Variants in DCAF7 observed in about 807,000 individuals in gnomAD.
The protein encoded by DCAF7 is DDB1 and CUL4 associated factor 7, also known as DDB1- and CUL4-associated factor 7.
DCAF7 carries 4 observed loss-of-function variants against 41.2 expected under a neutral mutation model. That is an observed-to-expected ratio of 0.10 (90% confidence interval 0.05 to 0.22). DCAF7 has a LOEUF of 0.22. Among genes scored for constraint, DCAF7 ranks in the 10% least tolerant of loss-of-function variants. DCAF7 has a pLI of 1.00. For missense variants in DCAF7, 131 were observed against 443.2 expected, an observed-to-expected ratio of 0.30 and a Z score of 6.32; for synonymous variants, 143 against 164.2, an observed-to-expected ratio of 0.87 and a Z score of 0.99.
In DCAF7 at chr17:63,593,381, A is replaced by G. The variant is rs899410275; in HGVS notation, c.*4209A>G. Reference sequence around the variant, plus strand: ...AAAGTCAAATGTGTGGCCACATGGGATGGGCCAGGTCCTCTCAGGCTACTT... The same window carrying G: ...AAAGTCAAATGTGTGGCCACATGGGGTGGGCCAGGTCCTCTCAGGCTACTT... On this transcript the variant is annotated 3_prime_UTR_variant, in exon 7 of 7. Transcript: ENST00000614556. 1.3e-5 allele frequency: 2 copies of G among 152,724 alleles called. No homozygotes were observed. Among genetic ancestry groups the G allele is most frequent in the Admixed American group, 1.3e-4 (2 of 15,284 alleles). The allele number at this position is 152,724 out of a possible 1,614,324, so 9.5% of individuals were successfully genotyped here.
intron 1 of DCAF7, among the ~76,000 whole-genome samples, chr17:63,559,398 TGTATATATATG>T (rs2033352079): frequency 1.0e-5 from 1 of 97,512 alleles, no homozygotes; most frequent in Non-Finnish European, 1.9e-5. Context: ...TATATATATA[TGTATATATATG>T]TATATATATA....
At chr17:63,576,326 C>G (rs2033561575) in intron 1 of DCAF7, among the ~76,000 whole-genome samples, 1 of 152,106 alleles carries the variant, frequency 6.6e-6, no homozygotes, top group East Asian at 1.9e-4. Flanking sequence ...TGCCTGTAGT[C>G]CCAGCTACTT....
At chr17:63,567,179 A>G (rs776381830) in intron 1 of DCAF7, among the ~76,000 whole-genome samples, 16 of 152,168 alleles carry the variant, frequency 1.1e-4, no homozygotes, top group Non-Finnish European at 2.1e-4. Context: ...ATGCACACCA[A>G]ATAGCATCAG....
At chr17:63,580,045 A>G (rs1310263720) in intron 4 of DCAF7, 102 bp downstream of exon 4, 2 of 816,074 alleles carry the variant, frequency 2.5e-6, no homozygotes, top group East Asian at 5.4e-5. Context: ...TTATGTAGAA[A>G]ATCATAACAT....
At chr17:63,559,304 C>CAT (rs368862458) in intron 1 of DCAF7, among the ~76,000 whole-genome samples, 3,297 of 116,992 alleles carry the variant, frequency 0.028, 78 homozygotes, top group Admixed American at 0.061. Flanking sequence ...GTGTGAGACC[C>CAT]ATATATATAT....
intron 2 of DCAF7, among the ~76,000 whole-genome samples, chr17:63,579,108 C>G (rs1401459067): frequency 6.6e-6 from 1 of 152,088 alleles, no homozygotes; most frequent in East Asian, 1.9e-4. Context: ...GAGAAGACCT[C>G]TCCTCTAGGA....
intron 5 of DCAF7, 94 bp downstream of exon 5, chr17:63,583,805 T>C (rs2147777309): frequency 3.9e-6 from 5 of 1,276,682 alleles, no homozygotes; most frequent in Non-Finnish European, 5.5e-6. Context: ...GCAGTTTGGC[T>C]CCCGGAGTAT....
At chr17:63,567,040 G>A (rs746723997) in intron 1 of DCAF7, among the ~76,000 whole-genome samples, 61 of 152,176 alleles carry the variant, frequency 4.0e-4, no homozygotes, top group Non-Finnish European at 6.3e-4. Flanking sequence ...CTGGGCTCAA[G>A]TGATACTCCC....
At chr17:63,561,682 T>C (rs1348595426) in intron 1 of DCAF7, among the ~76,000 whole-genome samples, 1 of 152,200 alleles carries the variant, frequency 6.6e-6, no homozygotes, top group Non-Finnish European at 1.5e-5. Context: ...ATCGAGCCAC[T>C]GTACTTCAGT....
intron 1 of DCAF7, among the ~76,000 whole-genome samples, chr17:63,564,156 CACACACAT>C (rs1053174798): frequency 5.3e-5 from 8 of 151,934 alleles, no homozygotes; most frequent in Non-Finnish European, 8.8e-5. Flanking sequence ...CACACACACA[CACACACAT>C]ACACATATAT....
chr17:63,577,051 G>C (rs2033570309), intron 1 of DCAF7, among the ~76,000 whole-genome samples: 1 of 152,202 alleles, frequency 6.6e-6, no homozygotes, highest in Admixed American at 6.5e-5. Context: ...CAGACACAAA[G>C]ACTCAAGACC....
chr17:63,578,660 G>T, intron 2 of DCAF7, 32 bp downstream of exon 2: 1 of 1,613,592 alleles, frequency 6.2e-7, no homozygotes, highest in Non-Finnish European at 8.5e-7. Flanking sequence ...AGCCAGACAA[G>T]TGGGCTTTCT....
intron 1 of DCAF7, among the ~76,000 whole-genome samples, chr17:63,572,446 A>C (rs1487681410): frequency 1.3e-5 from 2 of 152,176 alleles, no homozygotes; most frequent in Admixed American, 6.5e-5. Context: ...AGATAAATGA[A>C]GGTGGAATAT....
At chr17:63,588,131 T>C (rs1377292215) in intron 6 of DCAF7, among the ~76,000 whole-genome samples, 1 of 151,902 alleles carries the variant, frequency 6.6e-6, no homozygotes, top group Non-Finnish European at 1.5e-5. Flanking sequence ...TTTCATGTGC[T>C]TTTATATATT....
chr17:63,565,386 C>T (rs1245216981), intron 1 of DCAF7, among the ~76,000 whole-genome samples: 1 of 151,894 alleles, frequency 6.6e-6, no homozygotes, highest in African/African-American at 2.4e-5. Flanking sequence ...ACCAGCTTGA[C>T]CACCATGGAG....
intron 2 of DCAF7, among the ~76,000 whole-genome samples, chr17:63,578,964 T>A (rs2033591250): frequency 6.6e-6 from 1 of 152,168 alleles, no homozygotes. Context: ...ACCAGGCCAT[T>A]GATTCTGATA....
intron 2 of DCAF7, among the ~76,000 whole-genome samples, chr17:63,578,901 G>A (rs1427396605): frequency 2.0e-5 from 3 of 152,174 alleles, no homozygotes; most frequent in African/African-American, 7.2e-5. Flanking sequence ...GGAATACTTG[G>A]GAACTCATAT....
chr17:63,556,246 T>G (rs2033309343), intron 1 of DCAF7, among the ~76,000 whole-genome samples: 1 of 152,218 alleles, frequency 6.6e-6, no homozygotes, highest in African/African-American at 2.4e-5. Context: ...CACATTCACC[T>G]TCTTCTTCTG....
In DCAF7 at chr17:63,585,364, T is replaced by TGGGTGG. The variant is rs748168485; in HGVS notation, c.856+38_856+39insGTGGGG. 3.8e-6 allele frequency: 6 copies of TGGGTGG among 1,566,276 alleles called. No individual in the cohort carries two copies. The African/African-American group carries it at 8.1e-5, about 21-fold the overall frequency. On this transcript the variant is annotated intron_variant, in intron 6 of 6. Transcript: ENST00000614556. The stretch of plus-strand genomic sequence containing the variant: ...TGGGGAGAAAGAAATCTGGGAAGGA[T>TGGGTGG]GGAGGAAATCTGTTCTCTTGGCTCC...
Sources: allele counts gnomAD v4.1 joint callset (sites outside exome capture counted in the v4.1 genomes callset), GRCh38; gene constraint gnomAD v4.1.1; transcripts MANE v1.5; gene names NCBI Gene and HGNC (gene_info 2026-07-23, HGNC 2026-07-21).